Variants in BRINP1 observed in about 807,000 individuals in gnomAD.
BRINP1 encodes BMP/retinoic acid-inducible neural-specific protein 1.
A neutral mutation model predicts 72.9 loss-of-function variants in BRINP1; 17 were observed. The observed-to-expected ratio is 0.23, with a 90% CI of 0.16 to 0.35. The LOEUF is 0.35. Among genes scored for constraint, BRINP1 ranks in the 10% least tolerant of loss-of-function variants. The pLI is 1.00. For missense variants in BRINP1, 850 were observed against 1,001.6 expected (o/e 0.85, Z 2.04); for synonymous variants, 418 against 378.5 (o/e 1.10, Z -1.21).
chr9:119,203,941 G>C (rs553744726), intron 7 of BRINP1, among the ~76,000 whole-genome samples: 4 of 152,252 alleles, frequency 2.6e-5, no homozygotes, highest in African/African-American at 9.6e-5. Flanking sequence ...AGCCAGGTTA[G>C]GCTTTTGGCC....
At chr9:119,180,680 G>C (rs1405686278) in intron 7 of BRINP1, among the ~76,000 whole-genome samples, 1 of 152,078 alleles carries the variant, frequency 6.6e-6, no homozygotes, top group Non-Finnish European at 1.5e-5. Context: ...TAAATATTTA[G>C]CTTTTAATCA....
At chr9:119,172,352 C>T (rs1180262924) in intron 7 of BRINP1, among the ~76,000 whole-genome samples, 2 of 152,122 alleles carry the variant, frequency 1.3e-5, no homozygotes, top group African/African-American at 4.8e-5. Context: ...ACTACAAACA[C>T]CTCTACACAA....
rs201563651 is a variant in BRINP1, at chr9:119,313,339, A to T, written c.17T>A (p.Val6Asp). 1 of 1,613,922 alleles carries T rather than the reference A, an allele frequency of 6.2e-7. No homozygotes were observed. Among genetic ancestry groups the T allele is most frequent in the Non-Finnish European group, 8.5e-7 (1 of 1,179,998 alleles). The change falls in exon 2 of 8, where the codon GTT becomes GAT. Residue 6 changes from valine (V) to aspartate (D), a missense_variant. By Grantham distance (152) the Val-to-Asp change is radical. Coordinates refer to ENST00000265922, the MANE Select transcript of BRINP1 (RefSeq NM_014618.3). MNWRFVELLYFLFIWG... is the reference protein window; with the variant it reads MNWRFDELLYFLFIWG... Reference sequence around the variant, plus strand: ...TATAAACAGGAAGTAGAGGAGCTCAACAAACCTCCAGTTCATGCTTTTCTG... The same window carrying T: ...TATAAACAGGAAGTAGAGGAGCTCATCAAACCTCCAGTTCATGCTTTTCTG...
intron 5 of BRINP1, among the ~76,000 whole-genome samples, chr9:119,224,025 G>C (rs1199701344): frequency 6.6e-6 from 1 of 151,892 alleles, no homozygotes; most frequent in Non-Finnish European, 1.5e-5. Context: ...CTAGATCATA[G>C]TAGGTATGCA....
intron 2 of BRINP1, among the ~76,000 whole-genome samples, chr9:119,284,984 C>A (rs1357538340): frequency 6.6e-6 from 1 of 152,088 alleles, no homozygotes; most frequent in Admixed American, 6.5e-5. Flanking sequence ...CTGAAACATG[C>A]CTGTCCTCTG....
At chr9:119,268,299 G>T (rs1357976733) in intron 2 of BRINP1, among the ~76,000 whole-genome samples, 3 of 144,688 alleles carry the variant, frequency 2.1e-5, no homozygotes, top group African/African-American at 8.1e-5. Flanking sequence ...TAGATAGATA[G>T]ATAAAAGTGT....
chr9:119,247,733 A>T (rs2118918840), intron 3 of BRINP1, among the ~76,000 whole-genome samples: 1 of 151,962 alleles, frequency 6.6e-6, no homozygotes, highest in South Asian at 2.1e-4. Flanking sequence ...TTGTGCATGG[A>T]AAACACTCAC....
At chr9:119,276,485 T>A (rs1830659192) in intron 2 of BRINP1, among the ~76,000 whole-genome samples, 1 of 152,252 alleles carries the variant, frequency 6.6e-6, no homozygotes, top group Admixed American at 6.5e-5. Flanking sequence ...TTATAGAACC[T>A]TTAACATCAA....
intron 2 of BRINP1, among the ~76,000 whole-genome samples, chr9:119,263,233 T>C (rs910720882): frequency 1.3e-5 from 2 of 152,152 alleles, no homozygotes; most frequent in African/African-American, 4.8e-5. Context: ...AGTCAAAACT[T>C]AGCAGGCCAG....
At chr9:119,180,626 T>C (rs1829545759) in intron 7 of BRINP1, among the ~76,000 whole-genome samples, 1 of 152,170 alleles carries the variant, frequency 6.6e-6, no homozygotes. Context: ...TAGTATGAAT[T>C]ATAACTGGCC....
At chr9:119,268,507 G>A (rs1346188982) in intron 2 of BRINP1, among the ~76,000 whole-genome samples, 1 of 152,008 alleles carries the variant, frequency 6.6e-6, no homozygotes, top group African/African-American at 2.4e-5. Context: ...TCTCTACCAT[G>A]CTGCCTTGCA....
chr9:119,172,651 T>C (rs1460739468), intron 7 of BRINP1, among the ~76,000 whole-genome samples: 1 of 151,506 alleles, frequency 6.6e-6, no homozygotes, highest in African/African-American at 2.4e-5. Flanking sequence ...ATCATTCTGA[T>C]ACCAAAGCCA....
Position 119,169,400 on chromosome 9 carries a change from A to ACC in BRINP1, c.1146-1178_1146-1177dup, listed in dbSNP as rs1030611821. Among the ~76,000 whole-genome samples the ACC allele has an allele frequency of 3.8e-3, 573 of 152,196 alleles. 5 individuals carry two copies. Among genetic ancestry groups the ACC allele is most frequent in the African/African-American group, 0.013 (521 of 41,460 alleles). Reference sequence around the variant, plus strand: ...ACCTGGAAAATCGGGTCACTCCCCCACCGAATACTGTGCTTTTCCGGCGGG... The same window carrying ACC: ...ACCTGGAAAATCGGGTCACTCCCCCACCCCGAATACTGTGCTTTTCCGGCGGG... On this transcript the variant is annotated intron_variant, in intron 7 of 7. Coordinates refer to ENST00000265922, the MANE Select transcript of BRINP1 (RefSeq NM_014618.3).
chr9:119,285,710 T>TC (rs1031646457), intron 2 of BRINP1, among the ~76,000 whole-genome samples: 15 of 152,306 alleles, frequency 9.8e-5, no homozygotes, highest in Admixed American at 1.3e-4. Flanking sequence ...TTTCTTTTTT[T>TC]CCCTCCTCAT....
chr9:119,297,854 G>A (rs534264838), intron 2 of BRINP1, among the ~76,000 whole-genome samples: 1 of 152,044 alleles, frequency 6.6e-6, no homozygotes, highest in Non-Finnish European at 1.5e-5. Context: ...ACAAATGCAG[G>A]TTGAGCTGAA....
chr9:119,234,908 A>G (rs1700232447), intron 5 of BRINP1, among the ~76,000 whole-genome samples: 1 of 152,112 alleles, frequency 6.6e-6, no homozygotes, highest in African/African-American at 2.4e-5. Flanking sequence ...GTTATATATT[A>G]TCTTGAGTCA....
intron 1 of BRINP1, among the ~76,000 whole-genome samples, chr9:119,343,891 A>C (rs1326403999): frequency 6.6e-6 from 1 of 152,122 alleles, no homozygotes; most frequent in East Asian, 1.9e-4. Context: ...CAAGGCCTGA[A>C]ATGCTCTTCC....
chr9:119,272,005 A>T (rs1301925486), intron 2 of BRINP1, among the ~76,000 whole-genome samples: 1 of 150,976 alleles, frequency 6.6e-6, no homozygotes, highest in East Asian at 1.9e-4. Flanking sequence ...CCTTTTAAAA[A>T]TTTTTTGAAA....
intron 1 of BRINP1, among the ~76,000 whole-genome samples, chr9:119,336,292 T>A (rs971699344): frequency 4.6e-5 from 7 of 152,214 alleles, no homozygotes; most frequent in African/African-American, 9.6e-5. Flanking sequence ...CACATCTTCA[T>A]GCCTCCTCCT....
Sources: allele counts gnomAD v4.1 joint callset (sites outside exome capture counted in the v4.1 genomes callset), GRCh38; gene constraint gnomAD v4.1.1; transcripts MANE v1.5; gene names NCBI Gene and HGNC (gene_info 2026-07-23, HGNC 2026-07-21).